The following CHST10 variants were observed in gnomAD, a reference collection of about 807,000 sequenced individuals.
CHST10 encodes the protein HNK-1 sulfotransferase.
Under a neutral mutation model 34.7 loss-of-function variants are expected in CHST10, and 24 were observed. The observed-to-expected ratio is 0.69, with a 90% CI of 0.50 to 0.97. The LOEUF (loss-of-function observed/expected upper bound fraction) is 0.97. CHST10 is among the 50% of genes least tolerant of loss of function. CHST10 has a pLI of 0.00. For synonymous variants in CHST10, 161 were observed against 169.3 expected (o/e 0.95, Z 0.38); for missense variants, 402 against 452.1 (o/e 0.89, Z 1.00).
rs1278098176 is a variant in CHST10 at position 100,417,380 on chromosome 2, G to A, written c.-110C>T. ...TGCGCGTCCCCGAGCTCACCCTACT[G>A]GAGCGGCGCTCGTCCGGGTCCTTAG... is the stretch of plus-strand genomic sequence containing the variant. On this transcript the variant is annotated 5_prime_UTR_variant, in exon 1 of 7. Coordinates refer to ENST00000264249, the MANE Select transcript of CHST10 (RefSeq NM_004854.5). The A allele has an allele frequency of 6.4e-6, 2 of 314,524 alleles. No homozygotes were observed. The highest frequency in any genetic ancestry group is 6.3e-6 in the Non-Finnish European group (1 of 158,762). 19.5% of individuals were successfully genotyped at this position (314,524 alleles called of 1,614,324 possible). A position where few individuals can be genotyped will look rare whatever the true frequency, so the allele number is the denominator to read the frequency against.
chr2:100,415,858 A>T (rs1170330697), intron 1 of CHST10: 1 of 152,184 alleles, frequency 6.6e-6, no homozygotes, highest in Non-Finnish European at 1.5e-5. Context: ...AGCTAACCAC[A>T]CACCTAGGCT....
At chr2:100,416,044 G>A (rs1676053817) in intron 1 of CHST10, among the ~76,000 whole-genome samples, 1 of 152,158 alleles carries the variant, frequency 6.6e-6, no homozygotes, top group South Asian at 2.1e-4. Context: ...ATAGTCTTAT[G>A]GGACCACTGT....
chr2:100,397,227 T>C (rs1675102492), intron 5 of CHST10, among the ~76,000 whole-genome samples: 1 of 152,244 alleles, frequency 6.6e-6, no homozygotes, highest in Admixed American at 6.5e-5. Flanking sequence ...TTCAGACTAA[T>C]TGGAATTTAA....
chr2:100,395,542 A>G lies in CHST10; in HGVS notation c.500T>C (p.Leu167Pro), dbSNP rs776213016. The G allele has an allele frequency of 1.9e-6, 3 of 1,613,844 alleles. No homozygotes were observed. The highest frequency in any genetic ancestry group is 2.5e-6 in the Non-Finnish European group (3 of 1,179,822). ...AATTTCTGCATCACTGAAGGAAGAG[A>G]GCCGAGGAAGGCCGTTCTTCTCGTG... ...HDHEKNGLPR[L>P]SSFSDAEIQK... Residue 167 changes from leucine (L) to proline (P), a missense_variant, in exon 6 of 7, where the codon CTC (leucine) becomes CCC (proline). Transcript: ENST00000264249.
chr2:100,414,822 G>T (rs1675998432), intron 2 of CHST10, among the ~76,000 whole-genome samples: 1 of 152,080 alleles, frequency 6.6e-6, no homozygotes, highest in Non-Finnish European at 1.5e-5. Flanking sequence ...ACCTGTATGG[G>T]GTTCACTCTG....
intron 3 of CHST10, 85 bp downstream of exon 3, chr2:100,406,491 G>C: frequency 1.3e-6 from 2 of 1,528,438 alleles, no homozygotes; most frequent in Non-Finnish European, 1.8e-6. Flanking sequence ...CTCTGTGACA[G>C]AAGTCATCTA....
Position 100,393,549 on chromosome 2 carries a change from A to G in CHST10, c.767T>C (p.Phe256Ser). 3.7e-6 allele frequency: 6 copies of G among 1,614,062 alleles called. No homozygotes were observed. Among genetic ancestry groups the G allele is most frequent in the Non-Finnish European group, 4.2e-6 (5 of 1,180,020 alleles). The part of the protein sequence containing the change: ...DPNHRWLDLQ[F>S]GDHIIHWVTY... ...CACCCAGTGAATGATGTGGTCCCCAAACTGAAGGTCTAGCCATCTGTGGTT... is the reference window on the plus strand; with the variant it reads ...CACCCAGTGAATGATGTGGTCCCCAGACTGAAGGTCTAGCCATCTGTGGTT... Residue 256 changes from phenylalanine to serine, a missense_variant, in exon 7 of 7, where the codon TTT (phenylalanine) becomes TCT (serine). Transcript: ENST00000264249.
intron 1 of CHST10, 103 bp downstream of exon 1, chr2:100,417,271 G>A (rs1676105139): frequency 9.3e-5 from 33 of 355,310 alleles, no homozygotes; most frequent in South Asian, 6.3e-4. Context: ...GATGTGGCTC[G>A]CCAGGACAAA....
chr2:100,412,436 G>A (rs894742392), intron 2 of CHST10, among the ~76,000 whole-genome samples: 1 of 151,900 alleles, frequency 6.6e-6, no homozygotes, highest in Non-Finnish European at 1.5e-5. Flanking sequence ...TGTCTGGGGC[G>A]GTACCTGGGA....
At chr2:100,409,903 T>C (rs1400972023) in intron 2 of CHST10, among the ~76,000 whole-genome samples, 3 of 152,208 alleles carry the variant, frequency 2.0e-5, no homozygotes, top group Non-Finnish European at 2.9e-5. Context: ...TCCATTAGGA[T>C]AGGAGAAGGG....
chr2:100,404,378 C>A (rs1675475310), intron 3 of CHST10, among the ~76,000 whole-genome samples: 1 of 152,210 alleles, frequency 6.6e-6, no homozygotes, highest in South Asian at 2.1e-4. Flanking sequence ...TGCCCCCTTT[C>A]ACTCGCCTGA....
chr2:100,397,174 G>A (rs1014571530), intron 5 of CHST10, among the ~76,000 whole-genome samples: 1 of 152,216 alleles, frequency 6.6e-6, no homozygotes, highest in Non-Finnish European at 1.5e-5. Flanking sequence ...ACTCCTGTCT[G>A]AAGCTAAATT....
intron 3 of CHST10, among the ~76,000 whole-genome samples, chr2:100,403,236 C>T (rs1573186395): frequency 1.3e-5 from 2 of 152,178 alleles, no homozygotes; most frequent in Non-Finnish European, 2.9e-5. Context: ...TGCCCTCAAG[C>T]GGCTCAGAAC....
intron 5 of CHST10, among the ~76,000 whole-genome samples, chr2:100,397,200 ATAAT>A (rs1408942393): frequency 7.9e-5 from 12 of 152,234 alleles, no homozygotes; most frequent in African/African-American, 2.7e-4. Context: ...AGCAGAGCCC[ATAAT>A]TATTAGGATC....
chr2:100,399,766 A>T (rs1675251199), intron 4 of CHST10, among the ~76,000 whole-genome samples: 1 of 152,128 alleles, frequency 6.6e-6, no homozygotes, highest in Non-Finnish European at 1.5e-5. Context: ...TTGTGTGTTT[A>T]AGTGAATTTC....
At position 100,393,058 on chromosome 2, in the gene CHST10, T is replaced by G. The variant is rs1452944949; in HGVS notation, c.*187A>C. The G allele has an allele frequency of 6.3e-6, 4 of 630,584 alleles. No individual in the cohort carries two copies. In the East Asian group the frequency reaches 1.1e-4, roughly 17 times the overall value. 39.1% of individuals were successfully genotyped at this position (630,584 alleles called of 1,614,324 possible). On this transcript the variant is annotated 3_prime_UTR_variant, in exon 7 of 7. Transcript: ENST00000264249. ...TGTGGGCAGGGTCCTCAGAGCATCTTACATCCAAACTAAGTTGTAACAGTT... is the reference window on the plus strand; with the variant it reads ...TGTGGGCAGGGTCCTCAGAGCATCTGACATCCAAACTAAGTTGTAACAGTT...
At chr2:100,416,490 C>T (rs938262560) in intron 1 of CHST10, 1 of 155,930 alleles carries the variant, frequency 6.4e-6, no homozygotes, top group African/African-American at 2.4e-5. Flanking sequence ...GAAAAGACCA[C>T]TTCTCTCTTT....
intron 6 of CHST10, among the ~76,000 whole-genome samples, 192 bp downstream of exon 6, chr2:100,395,317 T>A (rs1675003287): frequency 6.6e-6 from 1 of 152,234 alleles, no homozygotes; most frequent in East Asian, 1.9e-4. Flanking sequence ...CTGGAAATTC[T>A]CAGAAGGAAC....
intron 4 of CHST10, among the ~76,000 whole-genome samples, chr2:100,398,881 G>A (rs550032774): frequency 1.3e-5 from 2 of 152,224 alleles, no homozygotes; most frequent in South Asian, 4.1e-4. Context: ...GGTTGGAGGG[G>A]GCACAGGGAG....
Sources: allele counts gnomAD v4.1 joint callset (sites outside exome capture counted in the v4.1 genomes callset), GRCh38; gene constraint gnomAD v4.1.1; transcripts MANE v1.5; gene names NCBI Gene and HGNC (gene_info 2026-07-23, HGNC 2026-07-21).